Variants in PIK3CD observed in about 807,000 individuals in gnomAD.
PIK3CD encodes phosphatidylinositol 4,5-bisphosphate 3-kinase catalytic subunit delta isoform.
PIK3CD carries 20 observed loss-of-function variants against 122.9 expected under a neutral mutation model. The ratio of observed to expected loss-of-function variants is 0.16; its 90% confidence interval spans 0.11 to 0.24. The LOEUF (loss-of-function observed/expected upper bound fraction) is 0.24. PIK3CD is among the 10% of genes least tolerant of loss of function. PIK3CD has a pLI of 1.00. For synonymous variants in PIK3CD, 596 were observed against 593.4 expected, an observed-to-expected ratio of 1.00 and a Z score of -0.06; for missense variants, 787 against 1,406.3, an observed-to-expected ratio of 0.56 and a Z score of 7.04.
chr1:9,688,895 T>A (rs1227907084), intron 1 of PIK3CD, among the ~76,000 whole-genome samples: 1 of 152,102 alleles, frequency 6.6e-6, no homozygotes, highest in Admixed American at 6.6e-5. Context: ...TCGGTGTTGT[T>A]ACTGCACGCA....
intron 1 of PIK3CD, among the ~76,000 whole-genome samples, chr1:9,681,975 A>G (rs954993031): frequency 2.6e-5 from 4 of 152,172 alleles, no homozygotes; most frequent in African/African-American, 9.7e-5. Flanking sequence ...ACCAGCTATG[A>G]GTTCTCTGTG....
rs1650047243 is a variant in PIK3CD, at chr1:9,728,532, C to T, written c.*1486C>T. 1 of 152,284 alleles carries T rather than the reference C, an allele frequency of 6.6e-6. No homozygotes were observed. Among genetic ancestry groups the T allele is most frequent in the Non-Finnish European group, 1.5e-5 (1 of 68,062 alleles). 9.4% of individuals were successfully genotyped at this position (152,284 alleles called of 1,614,324 possible). A position where few individuals can be genotyped will look rare whatever the true frequency, so the allele number is the denominator to read the frequency against. On this transcript the variant is annotated 3_prime_UTR_variant, in exon 24 of 24. Coordinates refer to ENST00000377346, the MANE Select transcript of PIK3CD (RefSeq NM_005026.5). ...AGAAGTAGCCGCCCGCTCAGCGGCT[C>T]AGGTGCCAGCTCTGTTCTGATTCAC...
In PIK3CD at chr1:9,721,798, G is replaced by A. The variant is rs369126260; in HGVS notation, c.1993G>A (p.Gly665Ser). ...CGTGCCGTCGGTGGCCCTGCGCTTC[G>A]GCCTCATCCTGGAGGCCTACTGCAG... ...MHVPSVALRF[G>S]LILEAYCRGS... The change falls in exon 16 of 24, where the codon GGC becomes AGC. Residue 665 changes from glycine to serine, a missense_variant. By Grantham distance (56) the Gly-to-Ser change is moderately conservative. Coordinates refer to ENST00000377346, the MANE Select transcript of PIK3CD (RefSeq NM_005026.5). 5.0e-6 allele frequency: 8 copies of A among 1,613,188 alleles called. No individual in the cohort carries two copies. Among genetic ancestry groups the A allele is most frequent in the Non-Finnish European group, 5.9e-6 (7 of 1,179,942 alleles).
At chr1:9,644,074 T>A in the PIK3CD span, among the ~76,000 whole-genome samples, 1 of 152,192 alleles carries the variant, frequency 6.6e-6, no homozygotes, top group Non-Finnish European at 1.5e-5. Flanking sequence ...ACCCTTCTTA[T>A]GGGCATGCGT....
chr1:9,706,648 C>T (rs1042755688), intron 2 of PIK3CD, among the ~76,000 whole-genome samples: 1 of 152,022 alleles, frequency 6.6e-6, no homozygotes, highest in Non-Finnish European at 1.5e-5. Context: ...TTCAAAGATT[C>T]GATACCAAAA....
intron 2 of PIK3CD, among the ~76,000 whole-genome samples, chr1:9,698,745 T>C (rs1363037436): frequency 6.6e-6 from 1 of 152,214 alleles, no homozygotes; most frequent in Admixed American, 6.5e-5. Flanking sequence ...CTCTTGATTT[T>C]GATGTGTAGT....
intron 1 of PIK3CD, chr1:9,653,377 G>GA: frequency 5.2e-6 from 1 of 191,172 alleles, no homozygotes; most frequent in Admixed American, 5.3e-5. Flanking sequence ...TACAGTTAAG[G>GA]AAACGAAGGC....
intron 1 of PIK3CD, among the ~76,000 whole-genome samples, chr1:9,676,341 C>T (rs576022383): frequency 2.0e-5 from 3 of 152,310 alleles, no homozygotes; most frequent in South Asian, 2.1e-4. Context: ...CCCCATAGTG[C>T]GTAAGCCACC....
At chr1:9,633,063 A>C in the PIK3CD span, among the ~76,000 whole-genome samples, 1 of 151,828 alleles carries the variant, frequency 6.6e-6, no homozygotes, top group Non-Finnish European at 1.5e-5. Context: ...AGGTTTCACC[A>C]TGTTAGCCAG....
chr1:9,632,119 T>C, the PIK3CD span, among the ~76,000 whole-genome samples: 1 of 152,076 alleles, frequency 6.6e-6, no homozygotes, highest in African/African-American at 2.4e-5. Flanking sequence ...TTCAAGCAAT[T>C]CTCCTGCCTC....
the PIK3CD span, among the ~76,000 whole-genome samples, chr1:9,638,657 G>A: frequency 1.9e-4 from 29 of 150,322 alleles, no homozygotes; most frequent in African/African-American, 4.4e-4. Context: ...GCCAGAACCC[G>A]GGAGGCGGAG....
chr1:9,697,654 G>A (rs530960461), intron 2 of PIK3CD, among the ~76,000 whole-genome samples: 1 of 150,844 alleles, frequency 6.6e-6, no homozygotes, highest in Admixed American at 6.6e-5. Flanking sequence ...GATCACTTGA[G>A]CTCAGGAGTT....
Position 9,654,507 on chromosome 1 carries a change from A to G in PIK3CD, c.-138+2705A>G, listed in dbSNP as rs1570045760. 6.8e-6 allele frequency: 4 copies of G among 591,860 alleles called. No individual in the cohort carries two copies. In the East Asian group the frequency reaches 3.1e-4, roughly 46 times the overall value. The allele number at this position is 591,860 out of a possible 1,614,324, so 36.7% of individuals were successfully genotyped here. On this transcript the variant is annotated intron_variant, in intron 1 of 23. Coordinates refer to ENST00000377346, the MANE Select transcript of PIK3CD (RefSeq NM_005026.5). ...GCGAAAGCCAGCCCGCTTTCGCACAACTGTCCGATGGAATTCATGGAGGTG... is the reference window on the plus strand; with the variant it reads ...GCGAAAGCCAGCCCGCTTTCGCACAGCTGTCCGATGGAATTCATGGAGGTG...
At position 9,720,868 on chromosome 1, in the gene PIK3CD, C is replaced by T; in HGVS notation, c.1648C>T (p.Leu550=). Residue 550 remains leucine, a synonymous_variant, in exon 13 of 24, where the codon CTG becomes TTG. Transcript: ENST00000377346. This position sits in a 1 kb window ranked among gnomAD's most constrained non-coding sequence, Gnocchi z 9.0. ...EHFPEALARL[L]LVTKWNKHED... ...CTTCCCGGAGGCGCTAGCCCGGCTG[C>T]TGCTGGTCACCAAGTGGAACAAGCA... 4 of 1,607,290 alleles carry T rather than the reference C, an allele frequency of 2.5e-6. No individual in the cohort carries two copies. The highest frequency in any genetic ancestry group is 3.4e-6 in the Non-Finnish European group (4 of 1,177,126).
the PIK3CD span, among the ~76,000 whole-genome samples, chr1:9,631,783 G>A: frequency 6.6e-6 from 1 of 152,216 alleles, no homozygotes; most frequent in Non-Finnish European, 1.5e-5. Context: ...AGCTCCTTTG[G>A]CTTTTCCCAG....
chr1:9,699,094 C>T (rs1233463735), intron 2 of PIK3CD, among the ~76,000 whole-genome samples: 1 of 152,102 alleles, frequency 6.6e-6, no homozygotes, highest in Non-Finnish European at 1.5e-5. Flanking sequence ...GTCATATTCC[C>T]AGCTACTTGG....
Position 9,715,630 on chromosome 1 carries a change from G to A in PIK3CD, c.231G>A (p.Ala77=), listed in dbSNP as rs756139699. ...TGTTCACCTGCATCAACCAGACAGC[G>A]GAGCAGCAAGAGCTGGAGGACGAGC... ...AYVFTCINQT[A]EQQELEDEQR... The change falls in exon 4 of 24, where the codon GCG becomes GCA. Residue 77 remains alanine, a synonymous_variant. Coordinates refer to ENST00000377346, the MANE Select transcript of PIK3CD (RefSeq NM_005026.5). The surrounding 1 kb of genome is among the most constrained non-coding windows in gnomAD (Gnocchi z 4.1). 5.1e-5 allele frequency: 82 copies of A among 1,613,724 alleles called. No homozygotes were observed. Among genetic ancestry groups the A allele is most frequent in the Admixed American group, 1.7e-4 (10 of 60,014 alleles).
At chr1:9,661,772 G>A (rs1336000565) in intron 1 of PIK3CD, among the ~76,000 whole-genome samples, 1 of 152,128 alleles carries the variant, frequency 6.6e-6, no homozygotes, top group Non-Finnish European at 1.5e-5. Flanking sequence ...CGAGGCGGAC[G>A]GATCACGAGG....
chr1:9,699,808 G>A (rs1049669257), intron 2 of PIK3CD, among the ~76,000 whole-genome samples: 1 of 152,168 alleles, frequency 6.6e-6, no homozygotes, highest in Non-Finnish European at 1.5e-5. Flanking sequence ...GGCCAGGCTG[G>A]TCTTGAACTC....
Sources: allele counts gnomAD v4.1 joint callset (sites outside exome capture counted in the v4.1 genomes callset), GRCh38; gene constraint gnomAD v4.1.1; non-coding constraint Gnocchi (gnomAD v3.1); transcripts MANE v1.5; gene names NCBI Gene and HGNC (gene_info 2026-07-23, HGNC 2026-07-21).